MLPH: variants seen among roughly 807,000 people sequenced by gnomAD.
The protein encoded by MLPH is exophilin-3.
Under a neutral mutation model 72.1 loss-of-function variants are expected in MLPH, and 51 were observed. That is an observed-to-expected ratio of 0.71 (90% CI 0.56 to 0.89). The LOEUF (loss-of-function observed/expected upper bound fraction) is 0.89. Ranked by LOEUF, MLPH falls within the 40% of genes least tolerant of loss-of-function variation. MLPH has a pLI of 0.00. For missense variants in MLPH, 743 were observed against 759.9 expected, an observed-to-expected ratio of 0.98 and a Z score of 0.26; for synonymous variants, 301 against 310.1, an observed-to-expected ratio of 0.97 and a Z score of 0.31.
chr2:237,546,556 C>T, intron 12 of MLPH, 50 bp from the exon 13 acceptor site: 1 of 1,529,806 alleles, frequency 6.5e-7, no homozygotes, highest in South Asian at 1.1e-5. Context: ...CATGCTCCTC[C>T]CTGTGGCTGG....
chr2:237,552,150 C>T (rs1361870089), intron 14 of MLPH, 187 bp from the exon 15 acceptor site: 7 of 567,478 alleles, frequency 1.2e-5, no homozygotes, highest in Non-Finnish European at 2.2e-5. Flanking sequence ...AAGAAGTTGG[C>T]AAAACTGTTG....
chr2:237,489,929 C>G (rs1294410546), intron 1 of MLPH, among the ~76,000 whole-genome samples: 1 of 152,230 alleles, frequency 6.6e-6, no homozygotes, highest in Admixed American at 6.5e-5. Flanking sequence ...CTCTCTCCTC[C>G]CTGCCTATTA....
chr2:237,517,692 GAT>G (rs2080074344), intron 4 of MLPH, among the ~76,000 whole-genome samples: 1 of 130,504 alleles, frequency 7.7e-6, no homozygotes, highest in African/African-American at 3.2e-5. Context: ...TGGGTGGATG[GAT>G]GGATGGATGG....
chr2:237,542,682 T>A, intron 12 of MLPH, 23 bp downstream of exon 12: 1 of 1,274,336 alleles, frequency 7.8e-7, no homozygotes, highest in Non-Finnish European at 1.1e-6. Flanking sequence ...CAGTGGTGAG[T>A]GGAGACAGTG....
At chr2:237,509,367 C>T (rs1029285984) in intron 2 of MLPH, among the ~76,000 whole-genome samples, 5 of 152,220 alleles carry the variant, frequency 3.3e-5, no homozygotes, top group East Asian at 1.9e-4. Context: ...CTCAGGGTAC[C>T]GTTCTGCCTG....
intron 9 of MLPH, among the ~76,000 whole-genome samples, chr2:237,538,573 G>C (rs551943821): frequency 6.6e-6 from 1 of 152,334 alleles, no homozygotes; most frequent in Admixed American, 6.5e-5. Flanking sequence ...AGGCATCAGT[G>C]TCCTTTTAAG....
chr2:237,531,576 T>C (rs1422453549), intron 8 of MLPH, among the ~76,000 whole-genome samples: 4 of 152,244 alleles, frequency 2.6e-5, no homozygotes, highest in Non-Finnish European at 5.9e-5. Flanking sequence ...CAATTATCCT[T>C]TATACCTGCT....
At chr2:237,546,254 G>T (rs1234566474) in intron 12 of MLPH, among the ~76,000 whole-genome samples, 2 of 152,234 alleles carry the variant, frequency 1.3e-5, no homozygotes, top group Non-Finnish European at 2.9e-5. Flanking sequence ...AATCAGCTAT[G>T]CAGGTGAGCC....
At chr2:237,504,955 A>T (rs2079733303) in intron 2 of MLPH, among the ~76,000 whole-genome samples, 1 of 152,164 alleles carries the variant, frequency 6.6e-6, no homozygotes, top group Admixed American at 6.5e-5. Flanking sequence ...GCAGCAAGAC[A>T]GTGCAAGCTT....
chr2:237,529,454 C>G (rs1202777827), intron 8 of MLPH, among the ~76,000 whole-genome samples: 1 of 152,206 alleles, frequency 6.6e-6, no homozygotes, highest in Non-Finnish European at 1.5e-5. Flanking sequence ...TAATTCATCA[C>G]AAGATTCAAG....
chr2:237,509,999 C>G (rs1382847682), intron 2 of MLPH: 1 of 163,306 alleles, frequency 6.1e-6, no homozygotes, highest in Non-Finnish European at 1.4e-5. Context: ...GATACACTTT[C>G]CAATCAGTTC....
Position 237,505,390 on chromosome 2 carries a change from A to G in MLPH, c.111-5184A>G, listed in dbSNP as rs898194389. On this transcript the variant is annotated intron_variant, in intron 2 of 15. Transcript: ENST00000264605. This position sits in a 1 kb window ranked among gnomAD's most constrained non-coding sequence, Gnocchi z 4.5. ...TCATCGCATGCAGTCCTGCTGGAGCATGGTTTAAGGATCACAGGGATGTGG... is the reference window on the plus strand; with the variant it reads ...TCATCGCATGCAGTCCTGCTGGAGCGTGGTTTAAGGATCACAGGGATGTGG... 3.3e-5 allele frequency among the ~76,000 whole-genome samples: 5 copies of G among 152,046 alleles called. No homozygotes were observed. The highest frequency in any genetic ancestry group is 1.2e-4 in the African/African-American group (5 of 41,398).
intron 4 of MLPH, among the ~76,000 whole-genome samples, chr2:237,514,097 A>C (rs2079964499): frequency 6.6e-6 from 1 of 152,074 alleles, no homozygotes; most frequent in Admixed American, 6.5e-5. Context: ...AGATTATATA[A>C]CAAGGCCGGA....
At chr2:237,547,974 T>C (rs1256256976) in intron 13 of MLPH, among the ~76,000 whole-genome samples, 1 of 152,162 alleles carries the variant, frequency 6.6e-6, no homozygotes, top group African/African-American at 2.4e-5. Flanking sequence ...TCAAGGAACA[T>C]CTAGCCACTC....
chr2:237,520,043 C>T lies in MLPH; in HGVS notation c.675+14C>T, dbSNP rs761263525. The T allele has an allele frequency of 3.1e-6, 5 of 1,613,788 alleles. No individual in the cohort carries two copies. The highest frequency in any genetic ancestry group is 2.2e-5 in the East Asian group (1 of 44,856). On this transcript the variant is annotated intron_variant, in intron 6 of 15. Coordinates refer to ENST00000264605, the MANE Select transcript of MLPH (RefSeq NM_024101.7). ...GACAGCCCACAGGTCAGTGGGTCCTCGTGTCTTTCCCCTGCCCCTCCCAGG... is the reference window on the plus strand; with the variant it reads ...GACAGCCCACAGGTCAGTGGGTCCTTGTGTCTTTCCCCTGCCCCTCCCAGG...
Position 237,510,926 on chromosome 2 carries a change from A to T in MLPH, c.333-63A>T, listed in dbSNP as rs530103612. ...GTGTGTGTGTGTGTGTGTGTGTGTGAGATTTATGCAGGCCTGTGTACAGCA... is the reference window on the plus strand; with the variant it reads ...GTGTGTGTGTGTGTGTGTGTGTGTGTGATTTATGCAGGCCTGTGTACAGCA... On this transcript the variant is annotated intron_variant, in intron 3 of 15. Transcript: ENST00000264605. This position sits in a 1 kb window ranked among gnomAD's most constrained non-coding sequence, Gnocchi z 4.4. The T allele has an allele frequency of 3.2e-4, 455 of 1,432,150 alleles. 3 individuals carry two copies. In the African/African-American group the frequency reaches 5.7e-3, roughly 18 times the overall value. 88.7% of individuals were successfully genotyped at this position (1,432,150 alleles called of 1,614,324 possible). A position where few individuals can be genotyped will look rare whatever the true frequency, so the allele number is the denominator to read the frequency against.
rs1254924117 is a variant in MLPH at position 237,545,647 on chromosome 2, T to C, written c.1540-959T>C. The C allele has an allele frequency of 3.9e-6, 5 of 1,275,954 alleles. No individual in the cohort carries two copies. In the East Asian group the frequency reaches 2.2e-4, roughly 57 times the overall value. 79.0% of individuals were successfully genotyped at this position (1,275,954 alleles called of 1,614,324 possible). A position where few individuals can be genotyped will look rare whatever the true frequency, so the allele number is the denominator to read the frequency against. On this transcript the variant is annotated intron_variant, in intron 12 of 15. Coordinates refer to ENST00000264605, the MANE Select transcript of MLPH (RefSeq NM_024101.7). Reference sequence around the variant, plus strand: ...GCTCACATCAGAGGAGCTGCTCACGTCAGGCCAACATCCTCCTCTCCTGAT... The same window carrying C: ...GCTCACATCAGAGGAGCTGCTCACGCCAGGCCAACATCCTCCTCTCCTGAT...
chr2:237,542,797 G>C lies in MLPH; in HGVS notation c.1539+138G>C, dbSNP rs1197849287. On this transcript the variant is annotated intron_variant, in intron 12 of 15. Transcript: ENST00000264605. ...GACAGTGGTGAGTGGGGGGACAGTGGTGAGTGGAGGGACAGTGGTGAGTGG... is the reference window on the plus strand; with the variant it reads ...GACAGTGGTGAGTGGGGGGACAGTGCTGAGTGGAGGGACAGTGGTGAGTGG... The C allele has an allele frequency of 1.7e-5, 7 of 402,256 alleles. 2 individuals are homozygous for C. Among genetic ancestry groups the C allele is most frequent in the South Asian group, 9.3e-5 (4 of 42,998 alleles). The allele number at this position is 402,256 out of a possible 1,614,324, so 24.9% of individuals were successfully genotyped here.
At chr2:237,552,476 T>G in intron 15 of MLPH, 39 bp downstream of exon 15, 2 of 1,526,976 alleles carry the variant, frequency 1.3e-6, no homozygotes, top group Non-Finnish European at 1.8e-6. Context: ...TTTTTAAAGT[T>G]CAGTGACCCG....
Sources: gnomAD v4.1 joint callset for allele counts (sites outside exome capture counted in the v4.1 genomes callset) on GRCh38, gnomAD v4.1.1 for gene constraint, Gnocchi (gnomAD v3.1) non-coding constraint, MANE v1.5 for transcripts, NCBI Gene and HGNC (gene_info 2026-07-23, HGNC 2026-07-21) for gene names.